The following EGFL7 variants were observed in gnomAD, a reference collection of about 807,000 sequenced individuals.
EGFL7 encodes epidermal growth factor-like protein 7.
A neutral mutation model predicts 37.1 loss-of-function variants in EGFL7; 48 were observed. The observed-to-expected ratio is 1.29, with a 90% CI of 1.03 to 1.65. The LOEUF is 1.65. Among genes scored for constraint, EGFL7 ranks in the 40% most tolerant of loss-of-function variants. The pLI, the probability that EGFL7 is intolerant of heterozygous loss-of-function variation, is 0.00. For missense variants in EGFL7, 384 were observed against 378.9 expected (o/e 1.01, Z -0.11); for synonymous variants, 180 against 156.8 (o/e 1.15, Z -1.10).
intron 8 of EGFL7, 78 bp from the exon 9 acceptor site, chr9:136,670,872 C>A (rs900391821): frequency 1.5e-6 from 2 of 1,371,192 alleles, no homozygotes; most frequent in Non-Finnish European, 2.0e-6. Context: ...CTCTGCCTCT[C>A]CCTGGGGACA....
Position 136,670,766 on chromosome 9 carries a change from C to T in EGFL7, c.572-184C>T, listed in dbSNP as rs1374263662. 5.5e-6 allele frequency: 4 copies of T among 731,132 alleles called. 1 individual carries two copies. Among genetic ancestry groups the T allele is most frequent in the African/African-American group, 5.2e-5 (3 of 57,468 alleles). 45.3% of individuals were successfully genotyped at this position (731,132 alleles called of 1,614,324 possible). A position where few individuals can be genotyped will look rare whatever the true frequency, so the allele number is the denominator to read the frequency against. On this transcript the variant is annotated intron_variant, in intron 8 of 10. Coordinates refer to ENST00000308874, the MANE Select transcript of EGFL7 (RefSeq NM_016215.5). ...GACCCTGAGCCTCTGCGCAGAGCCA[C>T]CCGCCCCGACGTACTTAGGCGGCAT... is the stretch of plus-strand genomic sequence containing the variant.
upstream of EGFL7, among the ~76,000 whole-genome samples, chr9:136,660,975 C>A (rs1328540462): frequency 6.6e-6 from 1 of 152,146 alleles, no homozygotes; most frequent in Non-Finnish European, 1.5e-5. Context: ...GAGGCCAGGG[C>A]AGATCCAGGG....
chr9:136,668,008 G>C (rs73668352), intron 3 of EGFL7, among the ~76,000 whole-genome samples: 23,037 of 152,140 alleles, frequency 0.15, 1,935 homozygotes, highest in African/African-American at 0.23. Flanking sequence ...TCTGGACAGC[G>C]TCACCCCCCC....
At position 136,666,628 on chromosome 9, in the gene EGFL7, G is replaced by C. The variant is rs1249542757; in HGVS notation, c.-42-1613G>C. ...TCCAGGCGACTCTCAGGAATTGTGG[G>C]GGGGAGCTGTGCCAATATGTGTGGG... is the stretch of plus-strand genomic sequence containing the variant. On this transcript the variant is annotated intron_variant, in intron 3 of 10. Coordinates refer to ENST00000308874, the MANE Select transcript of EGFL7 (RefSeq NM_016215.5). The surrounding 1 kb of genome is among the most constrained non-coding windows in gnomAD (Gnocchi z 6.8). Among the ~76,000 whole-genome samples the C allele has an allele frequency of 3.9e-5, 6 of 152,018 alleles. No individual in the cohort carries two copies. The highest frequency in any genetic ancestry group is 7.4e-5 in the Non-Finnish European group (5 of 67,962).
Position 136,663,456 on chromosome 9 carries a change from T to G in EGFL7, c.-304T>G, listed in dbSNP as rs1431649530. 1.3e-5 allele frequency: 2 copies of G among 152,302 alleles called. No homozygotes were observed. Among genetic ancestry groups the G allele is most frequent in the African/African-American group, 4.8e-5 (2 of 41,458 alleles). The allele number at this position is 152,302 out of a possible 1,614,324, so 9.4% of individuals were successfully genotyped here. ...AAGTTCAGCTTGGCTGGGCCCGCTGTGAGGGGCTTCGCGCTACGCCCTGCG... is the reference window on the plus strand; with the variant it reads ...AAGTTCAGCTTGGCTGGGCCCGCTGGGAGGGGCTTCGCGCTACGCCCTGCG... On this transcript the variant is annotated 5_prime_UTR_variant, in exon 2 of 11. The change abolishes the stop of an existing upstream ORF in the 5' untranslated region. Coordinates refer to ENST00000308874, the MANE Select transcript of EGFL7 (RefSeq NM_016215.5).
At chr9:136,667,626 A>C (rs1339697837) in intron 3 of EGFL7, among the ~76,000 whole-genome samples, 1 of 152,148 alleles carries the variant, frequency 6.6e-6, no homozygotes, top group Non-Finnish European at 1.5e-5. Flanking sequence ...TTGCACACAT[A>C]TCCCAGCCTG....
chr9:136,669,378 T>C (rs1845688629), intron 5 of EGFL7, among the ~76,000 whole-genome samples: 1 of 152,216 alleles, frequency 6.6e-6, no homozygotes, highest in African/African-American at 2.4e-5. Flanking sequence ...CTCTGCTCCA[T>C]GCGGAGTGTG....
Position 136,666,899 on chromosome 9 carries a change from A to C in EGFL7, c.-42-1342A>C, listed in dbSNP as rs1441424316. ...CCCCTCGACAAACTCCTGCCCAAAA[A>C]CTGCTGTGATGCCCCCCCTGCCCCC... On this transcript the variant is annotated intron_variant, in intron 3 of 10. Coordinates refer to ENST00000308874, the MANE Select transcript of EGFL7 (RefSeq NM_016215.5). The surrounding 1 kb of genome is among the most constrained non-coding windows in gnomAD (Gnocchi z 6.8). Among the ~76,000 whole-genome samples, 3 of 151,422 alleles carry C rather than the reference A, an allele frequency of 2.0e-5. No homozygotes were observed. Among genetic ancestry groups the C allele is most frequent in the Admixed American group, 2.0e-4 (3 of 15,262 alleles).
chr9:136,660,591 G>A (rs939112151), upstream of EGFL7, among the ~76,000 whole-genome samples: 1 of 152,156 alleles, frequency 6.6e-6, no homozygotes, highest in Non-Finnish European at 1.5e-5. Flanking sequence ...TGGGGAGGAC[G>A]CAGACTCTGC....
chr9:136,663,186 G>A (rs1244615635), intron 1 of EGFL7, 78 bp downstream of exon 1: 2 of 152,590 alleles, frequency 1.3e-5, no homozygotes. Flanking sequence ...GCTGACCGTG[G>A]CGCCTGCTGG....
Position 136,669,954 on chromosome 9 carries a change from C to T in EGFL7, c.354C>T (p.Val118=), listed in dbSNP as rs1402868910. 1 of 1,605,722 alleles carries T rather than the reference C, an allele frequency of 6.2e-7. No homozygotes were observed. The highest frequency in any genetic ancestry group is 1.1e-5 in the South Asian group (1 of 90,192). Reference sequence around the variant, plus strand: ...CATGCCGGAACGGAGGGAGCTGTGTCCAGCCTGGCCGCTGCCGCTGCCCTG... The same window carrying T: ...CATGCCGGAACGGAGGGAGCTGTGTTCAGCCTGGCCGCTGCCGCTGCCCTG... ...QPPCRNGGSC[V]QPGRCRCPAG... The change falls in exon 7 of 11, where the codon GTC becomes GTT. Residue 118 remains valine, a synonymous_variant. Coordinates refer to ENST00000308874, the MANE Select transcript of EGFL7 (RefSeq NM_016215.5).
chr9:136,670,945 C>G lies in EGFL7; in HGVS notation c.572-5C>G, dbSNP rs747119978. ...CCGTGACCCAGCGCCTGGCTCTGCC[C>G]GCAGGAGTGGACAGTGCAATGAAGG... On this transcript the variant is annotated splice_polypyrimidine_tract_variant and splice_region_variant and intron_variant, in intron 8 of 10. Coordinates refer to ENST00000308874, the MANE Select transcript of EGFL7 (RefSeq NM_016215.5). The G allele has an allele frequency of 2.6e-6, 4 of 1,553,306 alleles. No individual in the cohort carries two copies. In the Admixed American group the frequency reaches 7.7e-5, roughly 30 times the overall value.
chr9:136,670,279 A>T lies in EGFL7; in HGVS notation c.520A>T (p.Thr174Ser). Residue 174 changes from threonine (T) to serine (S), a missense_variant, in exon 8 of 11, where the codon ACA becomes TCA. Transcript: ENST00000308874. ...GGGGCACAGCCTGTCTGCAGACGGT[A>T]CACTCTGTGTGCCCAAGGGAGGGCC... Reference protein sequence around the residue: ...WEGHSLSADGTLCVPKGGPPR... With the variant: ...WEGHSLSADGSLCVPKGGPPR... The T allele has an allele frequency of 6.2e-7, 1 of 1,609,894 alleles. No individual in the cohort carries two copies. Among genetic ancestry groups the T allele is most frequent in the Non-Finnish European group, 8.5e-7 (1 of 1,177,946 alleles).
upstream of EGFL7, chr9:136,660,386 G>A (rs1845070572): frequency 6.6e-6 from 1 of 152,426 alleles, no homozygotes; most frequent in Non-Finnish European, 1.5e-5. Context: ...CCAGGCTATG[G>A]GATAGGGCAA....
At position 136,669,595 on chromosome 9, in the gene EGFL7, C is replaced by T. The variant is rs745716651; in HGVS notation, c.198-11C>T. 8 of 1,603,572 alleles carry T rather than the reference C, an allele frequency of 5.0e-6. No individual in the cohort carries two copies. In the African/African-American group the frequency reaches 9.3e-5, roughly 19 times the overall value. On this transcript the variant is annotated splice_polypyrimidine_tract_variant and intron_variant, in intron 5 of 10. Transcript: ENST00000308874. ...AGGATGCCCCTCTGAGCTGTCCCACCCACCCCACAGAACCATCTATAGGAC... is the reference window on the plus strand; with the variant it reads ...AGGATGCCCCTCTGAGCTGTCCCACTCACCCCACAGAACCATCTATAGGAC...
chr9:136,659,325 A>G (rs972523217), upstream of EGFL7: 7 of 152,230 alleles, frequency 4.6e-5, no homozygotes, highest in African/African-American at 1.7e-4. Context: ...CGTGGCTGAC[A>G]GAGCCAGCCC....
At position 136,669,697 on chromosome 9, in the gene EGFL7, G is replaced by GCCC; in HGVS notation, c.289_290insCCC (p.Gly97delinsAlaArg). The GCCC allele has an allele frequency of 6.2e-7, 1 of 1,600,002 alleles. No individual in the cohort carries two copies. The highest frequency in any genetic ancestry group is 8.5e-7 in the Non-Finnish European group (1 of 1,174,328). ...CTGCCCCGGCTGGAAGAGGACCAGC[G>GCCC]GGCTTCCTGGGGCCTGTGGAGCAGG... On this transcript the variant is annotated protein_altering_variant, in exon 6 of 11. Transcript: ENST00000308874.
At position 136,664,205 on chromosome 9, in the gene EGFL7, C is replaced by T. The variant is rs376271706; in HGVS notation, c.-136-487C>T. The stretch of plus-strand genomic sequence containing the variant: ...GCTGCTCTGGTCGTCCCTTGGACCA[C>T]GTGCCAGGGGCTTCCAGGGCCCCTG... On this transcript the variant is annotated intron_variant, in intron 2 of 10. Transcript: ENST00000308874. Among the ~76,000 whole-genome samples, 4 of 152,338 alleles carry T rather than the reference C, an allele frequency of 2.6e-5. No homozygotes were observed. In the East Asian group the frequency reaches 5.8e-4, roughly 22 times the overall value.
chr9:136,667,585 C>G (rs1276394499), intron 3 of EGFL7, among the ~76,000 whole-genome samples: 1 of 152,186 alleles, frequency 6.6e-6, no homozygotes, highest in Non-Finnish European at 1.5e-5. Context: ...GCACCTGGCA[C>G]AGCCACTGTC....
Sources: gnomAD v4.1 joint callset for allele counts (sites outside exome capture counted in the v4.1 genomes callset) on GRCh38, gnomAD v4.1.1 for gene constraint, Gnocchi (gnomAD v3.1) non-coding constraint, MANE v1.5 for transcripts, NCBI Gene and HGNC (gene_info 2026-07-23, HGNC 2026-07-21) for gene names.